The following KLK5 variants were observed in gnomAD, a reference collection of about 807,000 sequenced individuals.
The protein encoded by KLK5 is kallikrein-5.
A neutral mutation model predicts 24.0 loss-of-function variants in KLK5; 18 were observed. The observed-to-expected ratio is 0.75, with a 90% CI of 0.52 to 1.11. The LOEUF (loss-of-function observed/expected upper bound fraction) is 1.11. Among genes scored for constraint, KLK5 ranks in the 50% most tolerant of loss-of-function variants. The pLI is 0.00. For missense variants in KLK5, 374 were observed against 379.2 expected (o/e 0.99, Z 0.11); for synonymous variants, 140 against 154.0 (o/e 0.91, Z 0.67).
At chr19:50,946,264 A>G (rs1186993031) in intron 5 of KLK5, among the ~76,000 whole-genome samples, 1 of 152,226 alleles carries the variant, frequency 6.6e-6, no homozygotes, top group Non-Finnish European at 1.5e-5. Flanking sequence ...TTGTTTGTAA[A>G]ATAGGGCCAA....
At position 50,944,971 on chromosome 19, in the gene KLK5, CTTCTTTCTTTCTTTCTTT is replaced by C. The variant is rs1172480034; in HGVS notation, c.727-1203_727-1186del. 1.0e-3 allele frequency among the ~76,000 whole-genome samples: 151 copies of C among 150,962 alleles called. 1 individual carries two copies. The East Asian group carries it at 0.028, about 28-fold the overall frequency. ...TCCTTCCTTCCTCTCTCTTTTCTTT[CTTCTTTCTTTCTTTCTTT>C]TTCTTTCTTTCTCTTTCTTCCTTTC... On this transcript the variant is annotated intron_variant, in intron 5 of 5. Coordinates refer to ENST00000336334, the MANE Select transcript of KLK5 (RefSeq NM_012427.5).
chr19:50,946,484 C>T (rs2090635440), intron 5 of KLK5, among the ~76,000 whole-genome samples: 2 of 152,042 alleles, frequency 1.3e-5, no homozygotes, highest in South Asian at 2.1e-4. Context: ...TCTGGAAAAA[C>T]AAGATACTAA....
At position 50,943,792 on chromosome 19, in the gene KLK5, G is replaced by T. The variant is rs745440032; in HGVS notation, c.727-6C>A. The T allele has an allele frequency of 6.2e-7, 1 of 1,608,210 alleles. No individual in the cohort carries two copies. Among genetic ancestry groups the T allele is most frequent in the Non-Finnish European group, 8.5e-7 (1 of 1,175,746 alleles). Reference sequence around the variant, plus strand: ...ACAGGCCCCCCAGAATCACCCTGCAGGAGAGAAAGGGGGGCATGAGAGAGG... The same window carrying T: ...ACAGGCCCCCCAGAATCACCCTGCATGAGAGAAAGGGGGGCATGAGAGAGG... On this transcript the variant is annotated splice_polypyrimidine_tract_variant and splice_region_variant and intron_variant, in intron 5 of 5. Coordinates refer to ENST00000336334, the MANE Select transcript of KLK5 (RefSeq NM_012427.5).
chr19:50,949,797 CCACCCCCACCCCCACT>C, intron 3 of KLK5, 42 bp downstream of exon 3: 3 of 213,398 alleles, frequency 1.4e-5, no homozygotes, highest in Admixed American at 8.6e-5. Context: ...CCCCACTTCC[CCACCCCCACCCCCACT>C]TCCCCGTCCC....
chr19:50,946,429 G>T (rs931737921), intron 5 of KLK5, among the ~76,000 whole-genome samples: 53 of 143,178 alleles, frequency 3.7e-4, no homozygotes, highest in Non-Finnish European at 7.7e-5. Context: ...GCCACACCCA[G>T]ACCACACACC....
chr19:50,943,555 A>T lies in KLK5; in HGVS notation c.*76T>A. The stretch of plus-strand genomic sequence containing the variant: ...AACATTCTCAACATCTCTGGGAAGG[A>T]ATGAGGGTCTGAAAGGAGTGTCAGG... On this transcript the variant is annotated 3_prime_UTR_variant, in exon 6 of 6. Transcript: ENST00000336334. 7.5e-7 allele frequency: 1 copy of T among 1,325,370 alleles called. No individual in the cohort carries two copies. The highest frequency in any genetic ancestry group is 1.1e-6 in the Non-Finnish European group (1 of 932,942). The allele number at this position is 1,325,370 out of a possible 1,614,324, so 82.1% of individuals were successfully genotyped here. A position where few individuals can be genotyped will look rare whatever the true frequency, so the allele number is the denominator to read the frequency against.
chr19:50,946,623 A>G (rs2090637536), intron 5 of KLK5, among the ~76,000 whole-genome samples: 2 of 151,516 alleles, frequency 1.3e-5, no homozygotes, highest in Non-Finnish European at 2.9e-5. Context: ...GCAGTGGTGC[A>G]ACCTCGGCTC....
chr19:50,949,890 T>G lies in KLK5; in HGVS notation c.300A>C (p.Pro100=). Residue 100 remains proline, a synonymous_variant, in exon 3 of 6, where the codon CCA becomes CCC. Coordinates refer to ENST00000336334, the MANE Select transcript of KLK5 (RefSeq NM_012427.5). ...AGTGGGCGGCCGTGAGCAGCCACTG[T>G]GGATGCACCAACACCGCCCCGCAGT... is the stretch of plus-strand genomic sequence containing the variant. ...QLYCGAVLVH[P]QWLLTAAHCR... is the part of the protein sequence containing the mutation. The G allele has an allele frequency of 1.9e-6, 3 of 1,567,516 alleles. No individual in the cohort carries two copies. Among genetic ancestry groups the G allele is most frequent in the Middle Eastern group, 1.7e-4 (1 of 5,798 alleles).
At chr19:50,944,493 A>G (rs1170590884) in intron 5 of KLK5, among the ~76,000 whole-genome samples, 1 of 146,808 alleles carries the variant, frequency 6.8e-6, no homozygotes, top group Non-Finnish European at 1.5e-5. Flanking sequence ...TTTCTCTCTC[A>G]CTCTCCCCTC....
At position 50,943,409 on chromosome 19, in the gene KLK5, C is replaced by A. The variant is rs1021488818; in HGVS notation, c.*222G>T. On this transcript the variant is annotated 3_prime_UTR_variant, in exon 6 of 6. Transcript: ENST00000336334. ...GTGCCCCAGGGAGATTGAGACGCAA[C>A]CCCCGCCCTGGACAGTTTTGGAAAT... 1.1e-5 allele frequency: 5 copies of A among 470,864 alleles called. No individual in the cohort carries two copies. Among genetic ancestry groups the A allele is most frequent in the Admixed American group, 7.1e-5 (2 of 28,084 alleles). 29.2% of individuals were successfully genotyped at this position (470,864 alleles called of 1,614,324 possible).
At chr19:50,949,834 C>T in intron 3 of KLK5, 21 bp downstream of exon 3, 2 of 1,573,168 alleles carry the variant, frequency 1.3e-6, no homozygotes, top group South Asian at 2.2e-5. Flanking sequence ...CACCAACCCT[C>T]CTCTTGGAAC....
intron 5 of KLK5, among the ~76,000 whole-genome samples, chr19:50,946,820 A>G (rs2090639998): frequency 6.6e-6 from 1 of 151,944 alleles, no homozygotes; most frequent in Non-Finnish European, 1.5e-5. Context: ...CGGCCTCCCA[A>G]AGTGTTGGGA....
chr19:50,949,183 C>G, intron 3 of KLK5, 68 bp from the exon 4 acceptor site: 1 of 1,528,022 alleles, frequency 6.5e-7, no homozygotes, highest in Non-Finnish European at 8.8e-7. Flanking sequence ...CAATCCCAAC[C>G]CCACACCCAG....
Position 50,943,496 on chromosome 19 carries a change from T to C in KLK5, c.*135A>G. On this transcript the variant is annotated 3_prime_UTR_variant, in exon 6 of 6. Coordinates refer to ENST00000336334, the MANE Select transcript of KLK5 (RefSeq NM_012427.5). ...CAATGTGGGGGAAGCAGACCCTGAGTCCAGGAGACATGGGGTCAGGGGCTG... is the reference window on the plus strand; with the variant it reads ...CAATGTGGGGGAAGCAGACCCTGAGCCCAGGAGACATGGGGTCAGGGGCTG... 1 of 825,394 alleles carries C rather than the reference T, an allele frequency of 1.2e-6. No homozygotes were observed. The highest frequency in any genetic ancestry group is 2.0e-6 in the Non-Finnish European group (1 of 510,714). The allele number at this position is 825,394 out of a possible 1,614,324, so 51.1% of individuals were successfully genotyped here.
intron 5 of KLK5, among the ~76,000 whole-genome samples, chr19:50,944,677 C>T (rs1466027935): frequency 1.3e-5 from 2 of 152,184 alleles, no homozygotes; most frequent in Admixed American, 1.3e-4. Flanking sequence ...GTTGTGGAGG[C>T]CTGCCGTGTG....
Position 50,948,851 on chromosome 19 carries a change from A to C in KLK5, c.592+8T>G. On this transcript the variant is annotated splice_region_variant and intron_variant, in intron 4 of 5. Coordinates refer to ENST00000336334, the MANE Select transcript of KLK5 (RefSeq NM_012427.5). ...TGGGTCGGTATCAAGAAGAACCTGGACACTCACCTTGGGGGCTCTTGGTTG... is the reference window on the plus strand; with the variant it reads ...TGGGTCGGTATCAAGAAGAACCTGGCCACTCACCTTGGGGGCTCTTGGTTG... 1 of 1,614,018 alleles carries C rather than the reference A, an allele frequency of 6.2e-7. No homozygotes were observed. Among genetic ancestry groups the C allele is most frequent in the Non-Finnish European group, 8.5e-7 (1 of 1,180,000 alleles).
chr19:50,945,384 G>T (rs988535057), intron 5 of KLK5, among the ~76,000 whole-genome samples: 1 of 151,448 alleles, frequency 6.6e-6, no homozygotes, highest in African/African-American at 2.4e-5. Flanking sequence ...TGTTTTGCCT[G>T]ATGCCATATC....
At chr19:50,949,785 ACCCCCAC>A in intron 3 of KLK5, 63 bp downstream of exon 3, 3 of 253,200 alleles carry the variant, frequency 1.2e-5, no homozygotes, top group Non-Finnish European at 2.0e-5. Context: ...TGACACCCCC[ACCCCCAC>A]TTCCCCACCC....
intron 2 of KLK5, 88 bp downstream of exon 2, chr19:50,952,497 C>T (rs2123585789): frequency 3.2e-6 from 3 of 939,770 alleles, no homozygotes; most frequent in South Asian, 3.6e-5. Context: ...TGCCCAGGCT[C>T]ACACAGTTCC....
Sources: gnomAD v4.1 joint callset for allele counts (sites outside exome capture counted in the v4.1 genomes callset) on GRCh38, gnomAD v4.1.1 for gene constraint, MANE v1.5 for transcripts, NCBI Gene and HGNC (gene_info 2026-07-23, HGNC 2026-07-21) for gene names.